FBLN1: variants seen among roughly 807,000 people sequenced by gnomAD.
FBLN1 encodes fibulin-1.
Under a neutral mutation model 89.7 loss-of-function variants are expected in FBLN1, and 34 were observed. The ratio of observed to expected loss-of-function variants is 0.38; its 90% CI spans 0.29 to 0.50. The LOEUF (loss-of-function observed/expected upper bound fraction) is 0.50, where lower values mean the gene tolerates loss of function less well. Ranked by LOEUF, FBLN1 falls within the 20% of genes least tolerant of loss-of-function variation. The pLI is 0.92. For synonymous variants in FBLN1, 393 were observed against 391.3 expected (o/e 1.00, Z -0.05); for missense variants, 777 against 988.1 (o/e 0.79, Z 2.86).
chr22:45,553,895 A>G (rs1278946751), intron 14 of FBLN1, among the ~76,000 whole-genome samples: 2 of 152,210 alleles, frequency 1.3e-5, no homozygotes, highest in Non-Finnish European at 2.9e-5. Flanking sequence ...CCATGCTGAG[A>G]GAAGCGGGAA....
At chr22:45,596,510 GT>G (rs1471170881) in intron 16 of FBLN1, among the ~76,000 whole-genome samples, 1 of 151,766 alleles carries the variant, frequency 6.6e-6, no homozygotes, top group Admixed American at 6.6e-5. Flanking sequence ...CCAGGAGTGT[GT>G]ATTTAAATAT....
intron 13 of FBLN1, 107 bp downstream of exon 13, chr22:45,548,851 A>G: frequency 2.0e-6 from 3 of 1,533,870 alleles, no homozygotes; most frequent in Non-Finnish European, 2.6e-6. Context: ...CCCAAGGGCC[A>G]CAGCACAGAT....
chr22:45,541,179 G>A, intron 8 of FBLN1, 50 bp from the exon 9 acceptor site: 2 of 1,613,524 alleles, frequency 1.2e-6, no homozygotes, highest in East Asian at 4.5e-5. Flanking sequence ...TTTGGGTTCT[G>A]GGACACCCTC....
chr22:45,528,568 C>T (rs1475666306), intron 4 of FBLN1, among the ~76,000 whole-genome samples: 6 of 152,148 alleles, frequency 3.9e-5, no homozygotes, highest in Non-Finnish European at 8.8e-5. Flanking sequence ...TGATCTGGAA[C>T]TCCTGACCTC....
chr22:45,593,988 A>G (rs2089161568), intron 16 of FBLN1, among the ~76,000 whole-genome samples: 2 of 152,188 alleles, frequency 1.3e-5, no homozygotes, highest in African/African-American at 4.8e-5. Flanking sequence ...GTTGCAGTGG[A>G]AAGAGACCAG....
intron 1 of FBLN1, among the ~76,000 whole-genome samples, chr22:45,503,896 A>G (rs955381707): frequency 1.3e-5 from 2 of 151,730 alleles, no homozygotes; most frequent in African/African-American, 4.8e-5. Flanking sequence ...CTCCCCTCTA[A>G]CCCTCAAGGC....
chr22:45,533,286 G>A (rs2088433927), intron 6 of FBLN1, 122 bp downstream of exon 6: 3 of 892,336 alleles, frequency 3.4e-6, no homozygotes, highest in Non-Finnish European at 5.5e-6. Context: ...GTGGAGAGCA[G>A]CCCAGGACGC....
chr22:45,539,289 C>A (rs1469633437), intron 8 of FBLN1, among the ~76,000 whole-genome samples: 1 of 150,206 alleles, frequency 6.7e-6, no homozygotes, highest in African/African-American at 2.5e-5. Context: ...AACCTCCACC[C>A]TGCTGGGTTC....
rs136734 is a variant in FBLN1 at position 45,528,293 on chromosome 22, T to C, written c.484+284T>C. Among the ~76,000 whole-genome samples the C allele has an allele frequency of 0.93, 141,498 of 152,222 alleles. 65,852 individuals carry two copies. Among genetic ancestry groups the C allele is most frequent in the African/African-American group, 0.97 (40,222 of 41,554 alleles). On this transcript the variant is annotated intron_variant, in intron 4 of 16. Coordinates refer to ENST00000327858, the MANE Select transcript of FBLN1 (RefSeq NM_006486.3). ...CTGCTGATTGAGTGAGGCCCACCCA[T>C]GGTATGAAGATGATCTGCTTTTCTC...
intron 8 of FBLN1, among the ~76,000 whole-genome samples, chr22:45,540,921 T>C (rs937833953): frequency 6.6e-6 from 1 of 152,118 alleles, no homozygotes; most frequent in South Asian, 2.1e-4. Context: ...CCGTGCCCAG[T>C]GTGTGGAGTA....
chr22:45,544,062 G>A (rs1004209063), intron 11 of FBLN1, among the ~76,000 whole-genome samples: 1 of 152,054 alleles, frequency 6.6e-6, no homozygotes, highest in Non-Finnish European at 1.5e-5. Context: ...CCTTTAGGGC[G>A]TGGGTCACTG....
intron 1 of FBLN1, among the ~76,000 whole-genome samples, chr22:45,514,511 C>T (rs2088143504): frequency 6.6e-6 from 1 of 152,170 alleles, no homozygotes; most frequent in Non-Finnish European, 1.5e-5. Context: ...TGGCTTTTGC[C>T]GAAATTCTAA....
In FBLN1 at chr22:45,537,957, A is replaced by C. The variant is rs548146296; in HGVS notation, c.922+2620A>C. Among the ~76,000 whole-genome samples, 5 of 152,242 alleles carry C rather than the reference A, an allele frequency of 3.3e-5. No homozygotes were observed. Among genetic ancestry groups the C allele is most frequent in the African/African-American group, 1.2e-4 (5 of 41,464 alleles). On this transcript the variant is annotated intron_variant, in intron 8 of 16. Coordinates refer to ENST00000327858, the MANE Select transcript of FBLN1 (RefSeq NM_006486.3). The surrounding 1 kb of genome is among the most constrained non-coding windows in gnomAD (Gnocchi z 5.7). ...CGACTGAGGATGGAAACCCTGACTCATGGCAAAATCAGCCCCGATTTCCAC... is the reference window on the plus strand; with the variant it reads ...CGACTGAGGATGGAAACCCTGACTCCTGGCAAAATCAGCCCCGATTTCCAC...
Position 45,545,882 on chromosome 22 carries a change from T to A in FBLN1, c.1322-1203T>A, listed in dbSNP as rs909827752. On this transcript the variant is annotated intron_variant, in intron 11 of 16. Transcript: ENST00000327858. The surrounding 1 kb of genome is among the most constrained non-coding windows in gnomAD (Gnocchi z 5.9). ...AATGAGTGTGGCAGGGCACAGTGGC[T>A]CACACCTGTAATCCCAGCACTTTGG... is the stretch of plus-strand genomic sequence containing the variant. 1.3e-5 allele frequency among the ~76,000 whole-genome samples: 2 copies of A among 152,192 alleles called. No individual in the cohort carries two copies. The highest frequency in any genetic ancestry group is 2.9e-5 in the Non-Finnish European group (2 of 68,032).
chr22:45,508,918 G>C (rs1290475548), intron 1 of FBLN1, among the ~76,000 whole-genome samples: 1 of 152,232 alleles, frequency 6.6e-6, no homozygotes, highest in Admixed American at 6.5e-5. Flanking sequence ...GGGAAGCTCA[G>C]AGTACAAAGA....
rs1025549478 is a variant in FBLN1 at position 45,576,324 on chromosome 22, C to T, written c.1841-653C>T. Among the ~76,000 whole-genome samples, 1 of 152,168 alleles carries T rather than the reference C, an allele frequency of 6.6e-6. No homozygotes were observed. Among genetic ancestry groups the T allele is most frequent in the African/African-American group, 2.4e-5 (1 of 41,414 alleles). On this transcript the variant is annotated intron_variant, in intron 15 of 16. Coordinates refer to ENST00000327858, the MANE Select transcript of FBLN1 (RefSeq NM_006486.3). This position sits in a 1 kb window ranked among gnomAD's most constrained non-coding sequence, Gnocchi z 5.2. ...TTGGTTATCGCAGGGAGCCGAGTGC[C>T]GTTGGGACACCTGTTAGCATCTTGG...
chr22:45,567,739 G>A (rs1012460612), intron 14 of FBLN1, among the ~76,000 whole-genome samples: 3 of 152,038 alleles, frequency 2.0e-5, no homozygotes, highest in Non-Finnish European at 4.4e-5. Flanking sequence ...ATGTTTCCAT[G>A]GAAAACATTT....
rs1400246420 is a variant in FBLN1 at position 45,574,067 on chromosome 22, A to G, written c.1698-444A>G. Reference sequence around the variant, plus strand: ...GCGCTTTCTATCTGCTCCTTCGTTTATTACCCTGCTGCCCAGCCTCACTGT... The same window carrying G: ...GCGCTTTCTATCTGCTCCTTCGTTTGTTACCCTGCTGCCCAGCCTCACTGT... On this transcript the variant is annotated intron_variant, in intron 14 of 16. Coordinates refer to ENST00000327858, the MANE Select transcript of FBLN1 (RefSeq NM_006486.3). The surrounding 1 kb of genome is among the most constrained non-coding windows in gnomAD (Gnocchi z 4.1). 1.3e-5 allele frequency among the ~76,000 whole-genome samples: 2 copies of G among 151,932 alleles called. No individual in the cohort carries two copies. Among genetic ancestry groups the G allele is most frequent in the Non-Finnish European group, 2.9e-5 (2 of 67,990 alleles).
chr22:45,533,566 C>T lies in FBLN1; in HGVS notation c.647-195C>T, dbSNP rs535109023. 1.0e-3 allele frequency among the ~76,000 whole-genome samples: 156 copies of T among 152,300 alleles called. 1 individual carries two copies. The highest frequency in any genetic ancestry group is 2.0e-3 in the Admixed American group (30 of 15,296). ...TCTCAGAAAAAGCAGTAGATATGAA[C>T]GTTAGCAGGGGAGAGAAATCACTGC... On this transcript the variant is annotated intron_variant, in intron 6 of 16. Transcript: ENST00000327858.
Sources: allele counts gnomAD v4.1 joint callset (sites outside exome capture counted in the v4.1 genomes callset), GRCh38; gene constraint gnomAD v4.1.1; non-coding constraint Gnocchi (gnomAD v3.1); transcripts MANE v1.5; gene names NCBI Gene and HGNC (gene_info 2026-07-23, HGNC 2026-07-21).